The following TEX36 variants were observed in gnomAD, a reference collection of about 807,000 sequenced individuals.
TEX36 encodes the protein testis-expressed protein 36.
Under a neutral mutation model 13.6 loss-of-function variants are expected in TEX36, and 12 were observed. That is an observed-to-expected ratio of 0.88 (90% CI 0.56 to 1.43). The LOEUF is 1.43. Ranked by LOEUF, TEX36 falls within the 40% of genes most tolerant of loss-of-function variation. The pLI is 0.00. For synonymous variants in TEX36, 93 were observed against 83.0 expected, an observed-to-expected ratio of 1.12 and a Z score of -0.65; for missense variants, 224 against 228.3, an observed-to-expected ratio of 0.98 and a Z score of 0.12.
chr10:125,623,927 T>A (rs1846455641), intron 3 of TEX36, among the ~76,000 whole-genome samples: 1 of 152,226 alleles, frequency 6.6e-6, no homozygotes, highest in South Asian at 2.1e-4. Context: ...GATCATCTTA[T>A]CCTCACCTCA....
Position 125,612,208 on chromosome 10 carries a change from G to A in TEX36, c.265-35334C>T, listed in dbSNP as rs553554584. On this transcript the variant is annotated intron_variant, in intron 3 of 3. Coordinates refer to the TEX36 transcript ENST00000532135. Reference sequence around the variant, plus strand: ...AAGCAATCCCACTGCCTCAGCCTCCGGAGTAGCTGGGACTACAGGTGTGCG... The same window carrying A: ...AAGCAATCCCACTGCCTCAGCCTCCAGAGTAGCTGGGACTACAGGTGTGCG... Among the ~76,000 whole-genome samples, 343 of 150,990 alleles carry A rather than the reference G, an allele frequency of 2.3e-3. 7 individuals are homozygous for A. In the South Asian group the frequency reaches 0.037, roughly 16 times the overall value.
chr10:125,588,356 C>T (rs1048300942), intron 3 of TEX36, among the ~76,000 whole-genome samples: 4 of 152,160 alleles, frequency 2.6e-5, no homozygotes, highest in Non-Finnish European at 5.9e-5. Context: ...TGTGAATATG[C>T]GTTAGTCCAT....
chr10:125,597,554 G>T (rs943725980), intron 3 of TEX36, among the ~76,000 whole-genome samples: 1 of 152,156 alleles, frequency 6.6e-6, no homozygotes, highest in Non-Finnish European at 1.5e-5. Context: ...ATGTTGTTTT[G>T]GCCCAAAAAG....
At position 125,640,032 on chromosome 10, in the gene TEX36, A is replaced by G. The variant is rs182873064; in HGVS notation, c.265-18387T>C. 304 of 353,428 alleles carry G rather than the reference A, an allele frequency of 8.6e-4. 2 individuals carry two copies. Among genetic ancestry groups the G allele is most frequent in the African/African-American group, 6.3e-3 (283 of 45,032 alleles). 21.9% of individuals were successfully genotyped at this position (353,428 alleles called of 1,614,324 possible). A position where few individuals can be genotyped will look rare whatever the true frequency, so the allele number is the denominator to read the frequency against. On this transcript the variant is annotated intron_variant, in intron 3 of 3. Coordinates refer to the TEX36 transcript ENST00000526819. ...TTACAACCATGTGTTCTCAGCAGAGAAGGCGTAGTATTCCGCTGTGGTCAC... is the reference window on the plus strand; with the variant it reads ...TTACAACCATGTGTTCTCAGCAGAGGAGGCGTAGTATTCCGCTGTGGTCAC...
chr10:125,591,015 C>T (rs1846015571), intron 3 of TEX36, among the ~76,000 whole-genome samples: 1 of 152,142 alleles, frequency 6.6e-6, no homozygotes, highest in South Asian at 2.1e-4. Flanking sequence ...TCACAACGGG[C>T]CCTGCCTGCA....
At chr10:125,644,267 T>C (rs1009461642) in intron 3 of TEX36, among the ~76,000 whole-genome samples, 3 of 151,944 alleles carry the variant, frequency 2.0e-5, no homozygotes, top group Admixed American at 2.0e-4. Flanking sequence ...CCAGTGCAAA[T>C]AGATAAGTAG....
chr10:125,662,325 G>A (rs1223797113), intron 1 of TEX36, among the ~76,000 whole-genome samples: 4 of 152,088 alleles, frequency 2.6e-5, no homozygotes, highest in African/African-American at 9.7e-5. Context: ...TGTGGTCAGG[G>A]AGCTCCCAGT....
intron 3 of TEX36, among the ~76,000 whole-genome samples, chr10:125,645,269 A>G (rs73377638): frequency 0.021 from 3,143 of 152,266 alleles, 104 homozygotes; most frequent in African/African-American, 0.072. Context: ...TTAATCTCCA[A>G]TGTGACAGCA....
intron 3 of TEX36, among the ~76,000 whole-genome samples, chr10:125,591,242 C>A (rs893001460): frequency 2.6e-5 from 4 of 152,218 alleles, no homozygotes; most frequent in Non-Finnish European, 4.4e-5. Context: ...GGGAAGCATT[C>A]AATGAGCGTT....
At chr10:125,644,230 G>A (rs1846733559) in intron 3 of TEX36, among the ~76,000 whole-genome samples, 1 of 152,192 alleles carries the variant, frequency 6.6e-6, no homozygotes, top group South Asian at 2.1e-4. Flanking sequence ...TAAGCTGGAA[G>A]ATGAAGTTCG....
Position 125,655,698 on chromosome 10 carries a change from T to C in TEX36, c.*202A>G, listed in dbSNP as rs750872634. 3.6e-5 allele frequency: 45 copies of C among 1,254,844 alleles called. No individual in the cohort carries two copies. Among genetic ancestry groups the C allele is most frequent in the Non-Finnish European group, 4.4e-5 (44 of 1,001,428 alleles). The allele number at this position is 1,254,844 out of a possible 1,614,324, so 77.7% of individuals were successfully genotyped here. The stretch of plus-strand genomic sequence containing the variant: ...CTTTTTAAAACTCCCCAAAAGTAAA[T>C]GTGGCCATCTGAAAAGTTTATTTAC... On this transcript the variant is annotated 3_prime_UTR_variant, in exon 4 of 4. Transcript: ENST00000368821.
downstream of TEX36, among the ~76,000 whole-genome samples, chr10:125,621,263 G>T (rs1408786582): frequency 6.6e-6 from 1 of 152,120 alleles, no homozygotes; most frequent in African/African-American, 2.4e-5. Flanking sequence ...TTCGTTCTTT[G>T]AGGAGCCATC....
In TEX36 at chr10:125,661,831, G is replaced by C. The variant is rs752945530; in HGVS notation, c.183+15C>G. On this transcript the variant is annotated intron_variant, in intron 2 of 3. Coordinates refer to ENST00000368821, the MANE Select transcript of TEX36 (RefSeq NM_001128202.3). The stretch of plus-strand genomic sequence containing the variant: ...CCACAGGAGCACATGGCAGTGGCCA[G>C]TGTTCAGGACTCACCTTCTCCCGGA... 1.4e-5 allele frequency: 22 copies of C among 1,551,596 alleles called. No individual in the cohort carries two copies. The East Asian group carries it at 5.1e-4, about 36-fold the overall frequency.
chr10:125,592,102 T>G (rs948367016), intron 3 of TEX36, among the ~76,000 whole-genome samples: 2 of 152,220 alleles, frequency 1.3e-5, no homozygotes, highest in Non-Finnish European at 2.9e-5. Context: ...AAAAACAAAA[T>G]TGTCTTCCAG....
At chr10:125,581,917 A>G (rs927782889) in intron 3 of TEX36, among the ~76,000 whole-genome samples, 1 of 152,212 alleles carries the variant, frequency 6.6e-6, no homozygotes. Context: ...AGAAGCCTGC[A>G]TTGAGCAGAG....
intron 3 of TEX36, among the ~76,000 whole-genome samples, chr10:125,580,155 C>T (rs1310811715): frequency 2.6e-5 from 4 of 152,176 alleles, no homozygotes; most frequent in African/African-American, 7.2e-5. Flanking sequence ...CAACCAATGG[C>T]TGCTTGGTTT....
At chr10:125,603,573 T>G (rs377390718) in intron 3 of TEX36, among the ~76,000 whole-genome samples, 21 of 152,292 alleles carry the variant, frequency 1.4e-4, no homozygotes, top group African/African-American at 4.6e-4. Flanking sequence ...TCTAAAATGC[T>G]GGCATGCAAA....
chr10:125,618,337 C>T (rs998172532), downstream of TEX36, among the ~76,000 whole-genome samples: 19 of 149,208 alleles, frequency 1.3e-4, no homozygotes, highest in Middle Eastern at 3.4e-3. Context: ...TGAGGAACTG[C>T]GTTCCTTTGG....
At chr10:125,627,632 T>G (rs532690548) in intron 3 of TEX36, among the ~76,000 whole-genome samples, 2 of 152,264 alleles carry the variant, frequency 1.3e-5, no homozygotes, top group East Asian at 1.9e-4. Context: ...GAATCAGAAC[T>G]ATGGCATAAT....
Sources: gnomAD v4.1 joint callset for allele counts (sites outside exome capture counted in the v4.1 genomes callset) on GRCh38, gnomAD v4.1.1 for gene constraint, MANE v1.5 for transcripts, NCBI Gene and HGNC (gene_info 2026-07-23, HGNC 2026-07-21) for gene names.